MEI4: variants seen among roughly 807,000 people sequenced by gnomAD.
MEI4 encodes the protein meiotic double-stranded break formation protein 4, also known as meiosis-specific protein MEI4.
A neutral mutation model predicts 31.4 loss-of-function variants in MEI4; 27 were observed. The ratio of observed to expected loss-of-function variants is 0.86; its 90% CI spans 0.63 to 1.19. MEI4 has a LOEUF of 1.19. MEI4 is among the 50% of genes most tolerant of loss of function. MEI4 has a pLI of 0.00. For synonymous variants in MEI4, 122 were observed against 145.4 expected (o/e 0.84, Z 1.16); for missense variants, 329 against 398.9 (o/e 0.82, Z 1.49).
rs571287334 is a variant in MEI4 at position 77,820,827 on chromosome 6, T to C, written c.769-8104T>C. Among the ~76,000 whole-genome samples, 1 of 152,218 alleles carries C rather than the reference T, an allele frequency of 6.6e-6. No individual in the cohort carries two copies. Among genetic ancestry groups the C allele is most frequent in the Non-Finnish European group, 1.5e-5 (1 of 68,002 alleles). On this transcript the variant is annotated intron_variant, in intron 3 of 4. Transcript: ENST00000684080. This position sits in a 1 kb window ranked among gnomAD's most constrained non-coding sequence, Gnocchi z 4.5. ...ACATTATACTTCTTTCCTCTGTGAATTCTTGTTGTTTCTTAGGCCTAAAAA... is the reference window on the plus strand; with the variant it reads ...ACATTATACTTCTTTCCTCTGTGAACTCTTGTTGTTTCTTAGGCCTAAAAA...
intron 2 of MEI4, among the ~76,000 whole-genome samples, chr6:77,693,676 A>G (rs1255821549): frequency 2.0e-5 from 3 of 152,072 alleles, no homozygotes; most frequent in African/African-American, 4.8e-5. Flanking sequence ...AGATAAATGG[A>G]GTAACTGTTA....
At chr6:77,693,322 A>G (rs1769194764) in intron 2 of MEI4, among the ~76,000 whole-genome samples, 1 of 152,044 alleles carries the variant, frequency 6.6e-6, no homozygotes, top group South Asian at 2.1e-4. Flanking sequence ...TCAAATGTTA[A>G]AATTTCCAGG....
chr6:77,834,924 G>A (rs999293139), intron 4 of MEI4, among the ~76,000 whole-genome samples: 9 of 152,044 alleles, frequency 5.9e-5, no homozygotes, highest in African/African-American at 2.2e-4. Flanking sequence ...ACATTCCTTT[G>A]TACTTGCACC....
intron 3 of MEI4, among the ~76,000 whole-genome samples, chr6:77,808,618 C>G (rs1304375359): frequency 6.6e-6 from 1 of 152,026 alleles, no homozygotes; most frequent in Non-Finnish European, 1.5e-5. Flanking sequence ...AAGAGGAAAA[C>G]CTTGAGAGGA....
chr6:77,736,053 T>A (rs1767199012), intron 2 of MEI4, among the ~76,000 whole-genome samples: 1 of 152,052 alleles, frequency 6.6e-6, no homozygotes, highest in Non-Finnish European at 1.5e-5. Flanking sequence ...AGACAGGGAC[T>A]TTTAAGTCTG....
chr6:77,675,490 C>G (rs1050709618), intron 1 of MEI4, among the ~76,000 whole-genome samples: 13 of 150,576 alleles, frequency 8.6e-5, no homozygotes, highest in African/African-American at 3.2e-4. Context: ...AAAAGTGCCC[C>G]TTAAGGCATT....
intron 4 of MEI4, among the ~76,000 whole-genome samples, chr6:77,830,766 G>A (rs958202515): frequency 8.6e-5 from 13 of 151,966 alleles, no homozygotes; most frequent in African/African-American, 3.1e-4. Context: ...ATGGATTAAA[G>A]TCTTAAATGT....
At chr6:77,857,920 T>C (rs1193964303) in intron 4 of MEI4, among the ~76,000 whole-genome samples, 1 of 152,252 alleles carries the variant, frequency 6.6e-6, no homozygotes, top group Admixed American at 6.5e-5. Flanking sequence ...AGATGTACTC[T>C]GCATCACAGT....
At chr6:77,898,961 A>G (rs1766136744) in intron 4 of MEI4, among the ~76,000 whole-genome samples, 1 of 152,032 alleles carries the variant, frequency 6.6e-6, no homozygotes, top group Admixed American at 6.6e-5. Context: ...ACTCTGGCAT[A>G]GTGCAGGAAA....
intron 3 of MEI4, among the ~76,000 whole-genome samples, chr6:77,794,082 TGGGATGAAAGTGAA>T (rs995273498): frequency 1.2e-4 from 18 of 152,216 alleles, no homozygotes; most frequent in African/African-American, 4.3e-4. Context: ...ACAACACAGC[TGGGATGAAAGTGAA>T]GGGATGGAAA....
rs974356962 is a variant in MEI4, at chr6:77,679,421, C to T, written c.-14-11237C>T. Among the ~76,000 whole-genome samples, 8 of 152,188 alleles carry T rather than the reference C, an allele frequency of 5.3e-5. 1 individual carries two copies. The highest frequency in any genetic ancestry group is 3.9e-4 in the Admixed American group (6 of 15,274). On this transcript the variant is annotated intron_variant, in intron 1 of 4. Coordinates refer to ENST00000684080, the MANE Select transcript of MEI4 (RefSeq NM_001322247.2). The stretch of plus-strand genomic sequence containing the variant: ...TTTATGATTGTGTTACAGTTGCCTA[C>T]AGTATTTAGTAGAATAATGTGCTGC...
intron 3 of MEI4, among the ~76,000 whole-genome samples, chr6:77,767,051 A>G (rs1197298087): frequency 6.6e-6 from 1 of 152,162 alleles, no homozygotes; most frequent in East Asian, 1.9e-4. Context: ...GTCTAAGGTT[A>G]AGGGTCATTT....
At chr6:77,776,022 C>G (rs891235642) in intron 3 of MEI4, among the ~76,000 whole-genome samples, 3 of 151,828 alleles carry the variant, frequency 2.0e-5, no homozygotes, top group African/African-American at 7.3e-5. Flanking sequence ...CTTTAGCCCA[C>G]TTTTTGATGG....
rs139647174 is a variant in MEI4 at position 77,712,302 on chromosome 6, G to T, written c.232+21399G>T. ...TAATACTGTTAATAAACAACTTTTC[G>T]AACAGTTCCAAGCTGTTAAATTTAC... On this transcript the variant is annotated intron_variant, in intron 2 of 4. Coordinates refer to ENST00000684080, the MANE Select transcript of MEI4 (RefSeq NM_001322247.2). Among the ~76,000 whole-genome samples the T allele has an allele frequency of 4.5e-4, 68 of 152,078 alleles. 1 individual carries two copies. Among genetic ancestry groups the T allele is most frequent in the African/African-American group, 1.6e-3 (66 of 41,480 alleles).
intron 2 of MEI4, among the ~76,000 whole-genome samples, chr6:77,738,138 G>T (rs1561966857): frequency 6.6e-6 from 1 of 152,172 alleles, no homozygotes. Flanking sequence ...GTTAAAGGAT[G>T]GTTTCGGAGA....
chr6:77,697,831 T>C (rs1721909357), intron 2 of MEI4, among the ~76,000 whole-genome samples: 1 of 152,164 alleles, frequency 6.6e-6, no homozygotes, highest in Non-Finnish European at 1.5e-5. Flanking sequence ...TTGTTAACTT[T>C]CTGTCTCATG....
intron 4 of MEI4, among the ~76,000 whole-genome samples, chr6:77,840,006 T>C (rs2127714324): frequency 6.6e-6 from 1 of 152,314 alleles, no homozygotes; most frequent in African/African-American, 2.4e-5. Context: ...GCAAGTATTA[T>C]AACTATGCTC....
rs181930262 is a variant in MEI4, at chr6:77,752,498, C to T, written c.233-8632C>T. On this transcript the variant is annotated intron_variant, in intron 2 of 4. Transcript: ENST00000684080. ...CAGAGAGCCAAATCATGAGTGAACT[C>T]CCATTCACAATTGCTACTAAGAGAA... Among the ~76,000 whole-genome samples the T allele has an allele frequency of 3.9e-5, 6 of 152,194 alleles. No homozygotes were observed. The East Asian group carries it at 7.7e-4, about 20-fold the overall frequency.
chr6:77,907,627 T>G (rs1462823098), intron 4 of MEI4, among the ~76,000 whole-genome samples: 1 of 152,180 alleles, frequency 6.6e-6, no homozygotes, highest in Non-Finnish European at 1.5e-5. Context: ...TAGCAGCATG[T>G]TTTATAATCC....
Sources: gnomAD v4.1 joint callset for allele counts (sites outside exome capture counted in the v4.1 genomes callset) on GRCh38, gnomAD v4.1.1 for gene constraint, Gnocchi (gnomAD v3.1) non-coding constraint, MANE v1.5 for transcripts, NCBI Gene and HGNC (gene_info 2026-07-23, HGNC 2026-07-21) for gene names.